TTC28: variants seen among roughly 807,000 people sequenced by gnomAD.
The protein encoded by TTC28 is tetratricopeptide repeat domain 28.
Under a neutral mutation model 198.0 loss-of-function variants are expected in TTC28, and 61 were observed. The observed-to-expected ratio is 0.31, with a 90% CI of 0.25 to 0.38. The LOEUF (loss-of-function observed/expected upper bound fraction) is 0.38, where lower values mean the gene tolerates loss of function less well. TTC28 is among the 10% of genes least tolerant of loss of function. TTC28 has a pLI of 1.00. For synonymous variants in TTC28, 1,171 were observed against 1,297.8 expected (o/e 0.90, Z 2.10); for missense variants, 2,678 against 3,164.0 (o/e 0.85, Z 3.69).
At chr22:28,482,138 C>G (rs780236459) in intron 2 of TTC28, among the ~76,000 whole-genome samples, 2 of 150,064 alleles carry the variant, frequency 1.3e-5, no homozygotes, top group Non-Finnish European at 3.0e-5. Context: ...GCAGCAGATA[C>G]TCTAGTCTAA....
At chr22:28,017,570 G>A (rs566583590) in intron 13 of TTC28, among the ~76,000 whole-genome samples, 2 of 152,244 alleles carry the variant, frequency 1.3e-5, no homozygotes, top group East Asian at 1.9e-4. Flanking sequence ...AATAGAGACT[G>A]GGGTACTTGG....
intron 6 of TTC28, among the ~76,000 whole-genome samples, chr22:28,127,406 A>T (rs1198722995): frequency 2.0e-5 from 3 of 152,174 alleles, no homozygotes; most frequent in Non-Finnish European, 1.5e-5. Flanking sequence ...TGGTAGCAAC[A>T]ACCAACCAAC....
At chr22:28,151,107 A>G (rs1207043403) in intron 6 of TTC28, among the ~76,000 whole-genome samples, 2 of 152,214 alleles carry the variant, frequency 1.3e-5, no homozygotes, top group Admixed American at 6.5e-5. Flanking sequence ...TGTAAAGAAG[A>G]AAAAACCTCC....
At chr22:28,573,938 T>A (rs2050102147) in intron 2 of TTC28, among the ~76,000 whole-genome samples, 1 of 152,168 alleles carries the variant, frequency 6.6e-6, no homozygotes, top group African/African-American at 2.4e-5. Context: ...CATAAATAAG[T>A]GAGAAGATGC....
At chr22:28,478,718 A>T (rs1350571100) in intron 2 of TTC28, among the ~76,000 whole-genome samples, 1 of 152,126 alleles carries the variant, frequency 6.6e-6, no homozygotes, top group Non-Finnish European at 1.5e-5. Context: ...AAATTTCCAT[A>T]ATACAAAGTT....
intron 12 of TTC28, among the ~76,000 whole-genome samples, chr22:28,079,072 A>C (rs1941253743): frequency 6.6e-6 from 1 of 152,224 alleles, no homozygotes; most frequent in Non-Finnish European, 1.5e-5. Flanking sequence ...CAGCATAAGG[A>C]AAGTGAGCTG....
At chr22:28,202,377 A>C (rs1926041538) in intron 5 of TTC28, among the ~76,000 whole-genome samples, 1 of 152,006 alleles carries the variant, frequency 6.6e-6, no homozygotes, top group Non-Finnish European at 1.5e-5. Flanking sequence ...TCTCTACTAA[A>C]AATACAAAAA....
chr22:28,415,634 G>C (rs1232285421), intron 2 of TTC28, among the ~76,000 whole-genome samples: 2 of 152,186 alleles, frequency 1.3e-5, no homozygotes, highest in African/African-American at 4.8e-5. Flanking sequence ...GACAGGCAAA[G>C]TTCTATCCAA....
At chr22:28,009,966 A>C (rs1325926262) in intron 14 of TTC28, among the ~76,000 whole-genome samples, 1 of 152,136 alleles carries the variant, frequency 6.6e-6, no homozygotes, top group Non-Finnish European at 1.5e-5. Context: ...AAAAGGTTTC[A>C]CTCTGTCTCA....
At chr22:28,193,315 C>T (rs549603052) in intron 5 of TTC28, among the ~76,000 whole-genome samples, 2 of 152,236 alleles carry the variant, frequency 1.3e-5, no homozygotes, top group South Asian at 4.1e-4. Flanking sequence ...ACAACCGGTA[C>T]CAACCACTGC....
intron 12 of TTC28, among the ~76,000 whole-genome samples, chr22:28,039,088 C>T (rs1020153943): frequency 6.6e-6 from 1 of 152,160 alleles, no homozygotes; most frequent in Non-Finnish European, 1.5e-5. Flanking sequence ...TAAACTAGTT[C>T]AACCATTGTG....
intron 5 of TTC28, among the ~76,000 whole-genome samples, chr22:28,196,666 C>T (rs982596648): frequency 6.6e-6 from 1 of 152,140 alleles, no homozygotes; most frequent in African/African-American, 2.4e-5. Context: ...GACATTTATG[C>T]AGCCAAAAAA....
chr22:28,114,684 AT>A (rs1942586014), intron 6 of TTC28, among the ~76,000 whole-genome samples: 1 of 151,258 alleles, frequency 6.6e-6, no homozygotes, highest in South Asian at 2.1e-4. Context: ...GGCTCAAGAG[AT>A]CCTCCTGCCT....
At chr22:28,265,492 T>C (rs1931624780) in intron 5 of TTC28, among the ~76,000 whole-genome samples, 1 of 152,142 alleles carries the variant, frequency 6.6e-6, no homozygotes. Context: ...TATCTGCGGC[T>C]GACTATAAGG....
intron 5 of TTC28, among the ~76,000 whole-genome samples, chr22:28,189,833 A>G (rs1195198805): frequency 6.6e-6 from 1 of 152,196 alleles, no homozygotes; most frequent in African/African-American, 2.4e-5. Flanking sequence ...AACTTTACCT[A>G]TATTTTGCTA....
At chr22:28,652,848 T>C (rs1490712856) in intron 1 of TTC28, among the ~76,000 whole-genome samples, 3 of 152,164 alleles carry the variant, frequency 2.0e-5, no homozygotes, top group Non-Finnish European at 4.4e-5. Context: ...ATCTTTACCA[T>C]TTGCCCAACT....
intron 12 of TTC28, among the ~76,000 whole-genome samples, chr22:28,039,719 G>T (rs1040410740): frequency 2.0e-5 from 3 of 151,926 alleles, no homozygotes; most frequent in Non-Finnish European, 4.4e-5. Flanking sequence ...CTAGCAGAAG[G>T]CAAGAAATAA....
chr22:28,191,431 G>A (rs978657212), intron 5 of TTC28, among the ~76,000 whole-genome samples: 7 of 152,312 alleles, frequency 4.6e-5, no homozygotes, highest in South Asian at 2.1e-4. Flanking sequence ...AGGGAGTGTC[G>A]GACAGTGGGT....
chr22:28,381,424 T>C (rs565559852), intron 2 of TTC28, among the ~76,000 whole-genome samples: 2 of 152,328 alleles, frequency 1.3e-5, no homozygotes, highest in African/African-American at 4.8e-5. Context: ...TGCTCAATGA[T>C]AGCAGTTCCC....
Sources: allele counts gnomAD v4.1 joint callset (sites outside exome capture counted in the v4.1 genomes callset), GRCh38; gene constraint gnomAD v4.1.1; transcripts MANE v1.5; gene names NCBI Gene and HGNC (gene_info 2026-07-23, HGNC 2026-07-21).